Variants in ARL16 observed in about 807,000 individuals in gnomAD.
ARL16 encodes the protein ADP-ribosylation factor-like protein 16.
In ARL16, 21 loss-of-function variants were observed where a neutral mutation model predicts 14.1. That is an observed-to-expected ratio of 1.48 (90% CI 1.05 to 2.14). ARL16 has a LOEUF of 2.14. ARL16 is among the 30% of genes most tolerant of loss of function. The probability of loss-of-function intolerance (pLI) is 0.00; values close to 1 mark genes in which losing one functional copy is unlikely to be tolerated. For missense variants in ARL16, 248 were observed against 222.0 expected, an observed-to-expected ratio of 1.12 and a Z score of -0.74; for synonymous variants, 122 against 91.8, an observed-to-expected ratio of 1.33 and a Z score of -1.88.
At chr17:81,683,619 C>A (rs368288274) in intron 1 of ARL16, 25 bp from the exon 2 acceptor site, 22 of 1,594,632 alleles carry the variant, frequency 1.4e-5, no homozygotes, top group Middle Eastern at 1.7e-4. Context: ...AGGACCCGAG[C>A]AGCTAAAGGG....
intron 3 of ARL16, chr17:81,682,580 G>A: frequency 5.2e-6 from 1 of 191,808 alleles, no homozygotes; most frequent in South Asian, 9.9e-5. Context: ...ACAAGCAGAA[G>A]CAGAGGGAAT....
rs531775432 is a variant in ARL16 at position 81,682,227 on chromosome 17, G to T, written c.235-78C>A. 4 of 1,090,672 alleles carry T rather than the reference G, an allele frequency of 3.7e-6. No homozygotes were observed. The African/African-American group carries it at 6.5e-5, about 18-fold the overall frequency. The allele number at this position is 1,090,672 out of a possible 1,614,324, so 67.6% of individuals were successfully genotyped here. ...CTGGGCCTCACAGACCTGGCACTGGGAGAGCAAAACTGCATTTTTTAATTA... is the reference window on the plus strand; with the variant it reads ...CTGGGCCTCACAGACCTGGCACTGGTAGAGCAAAACTGCATTTTTTAATTA... On this transcript the variant is annotated intron_variant, in intron 3 of 4. Coordinates refer to ENST00000622299, the MANE Select transcript of ARL16 (RefSeq NM_001040025.3).
At chr17:81,682,485 G>A (rs7503637) in intron 3 of ARL16, 28,407 of 185,114 alleles carry the variant, frequency 0.15, 2,380 homozygotes, top group African/African-American at 0.18. Flanking sequence ...CTCGTGATTC[G>A]CCCACCTCAG....
rs753221320 is a variant in ARL16 at position 81,682,066 on chromosome 17, T to C, written c.318A>G (p.Ala106=). 1 of 1,612,986 alleles carries C rather than the reference T, an allele frequency of 6.2e-7. No homozygotes were observed. The highest frequency in any genetic ancestry group is 2.2e-5 in the East Asian group (1 of 44,852). Residue 106 remains alanine, a synonymous_variant, in exon 4 of 5, where the codon GCA becomes GCG. Coordinates refer to ENST00000622299, the MANE Select transcript of ARL16 (RefSeq NM_001040025.3). The part of the protein sequence containing the change: ...LLGLLSAEQL[A]EASVLILFNK... ...TGAAGAGTATCAGCACCGATGCTTCTGCAAGTTGTTCTGCAGAAAGGAGAC... is the reference window on the plus strand; with the variant it reads ...TGAAGAGTATCAGCACCGATGCTTCCGCAAGTTGTTCTGCAGAAAGGAGAC...
intron 3 of ARL16, chr17:81,682,729 C>T (rs117401813): frequency 0.015 from 6,789 of 460,222 alleles, 80 homozygotes; most frequent in Non-Finnish European, 0.019. Flanking sequence ...TAAACACAGA[C>T]GTACCGGGGA....
chr17:81,683,663 C>G (rs745413123), intron 1 of ARL16, 30 bp downstream of exon 1: 2 of 1,592,252 alleles, frequency 1.3e-6, no homozygotes, highest in Non-Finnish European at 1.7e-6. Context: ...GCCCCCCGCG[C>G]CCCGGTCCCG....
intron 3 of ARL16, chr17:81,682,667 G>A (rs1185996656): frequency 2.1e-5 from 6 of 285,466 alleles, no homozygotes; most frequent in Admixed American, 2.0e-4. Context: ...TGGTATCCGC[G>A]GCACAGGCCT....
At chr17:81,682,262 T>C (rs2036863877) in intron 3 of ARL16, 113 bp from the exon 4 acceptor site, 4 of 764,530 alleles carry the variant, frequency 5.2e-6, no homozygotes, top group Middle Eastern at 2.5e-4. Flanking sequence ...AATTAATTTA[T>C]TTTTTGAGAC....
Position 81,683,691 on chromosome 17 carries a change from A to G in ARL16, c.61+2T>C, listed in dbSNP as rs371738056. 292 of 1,603,234 alleles carry G rather than the reference A, an allele frequency of 1.8e-4. No individual in the cohort carries two copies. The highest frequency in any genetic ancestry group is 2.3e-4 in the Non-Finnish European group (275 of 1,176,404). ...CGGTCCCGTCCCCGCGCGGAAGGATATCCTGCAGCCGTTTCACCAGCAGCG... is the reference window on the plus strand; with the variant it reads ...CGGTCCCGTCCCCGCGCGGAAGGATGTCCTGCAGCCGTTTCACCAGCAGCG... On this transcript the variant is annotated splice_donor_variant, in intron 1 of 4. Transcript: ENST00000622299. LOFTEE classifies it high-confidence loss of function.
Position 81,683,132 on chromosome 17 carries a change from G to T in ARL16, c.121-6C>A, listed in dbSNP as rs923557620. The T allele has an allele frequency of 1.2e-6, 2 of 1,602,728 alleles. No homozygotes were observed. Among genetic ancestry groups the T allele is most frequent in the African/African-American group, 2.7e-5 (2 of 74,092 alleles). On this transcript the variant is annotated splice_polypyrimidine_tract_variant and splice_region_variant and intron_variant, in intron 2 of 4. Transcript: ENST00000622299. ...TCAGTAAGATTGGTGCCCACCTATA[G>T]GAAAAACCACGATGCAAAAAGAACA...
At chr17:81,683,415 G>A (rs924277313) in intron 2 of ARL16, 121 bp downstream of exon 2, 4 of 1,299,998 alleles carry the variant, frequency 3.1e-6, no homozygotes, top group African/African-American at 3.0e-5. Flanking sequence ...CGCTCCCGAA[G>A]GCTGGCCTTA....
chr17:81,683,501 C>G (rs759259089), intron 2 of ARL16, 35 bp downstream of exon 2: 3 of 1,528,958 alleles, frequency 2.0e-6, no homozygotes, highest in East Asian at 2.3e-5. Flanking sequence ...CAGAACTGAC[C>G]CCCCGCAACT....
At position 81,683,723 on chromosome 17, in the gene ARL16, C is replaced by G. The variant is rs771043178; in HGVS notation, c.31G>C (p.Gly11Arg). The G allele has an allele frequency of 7.5e-6, 12 of 1,607,214 alleles. No homozygotes were observed. The highest frequency in any genetic ancestry group is 9.3e-6 in the Non-Finnish European group (11 of 1,178,172). Reference sequence around the variant, plus strand: ...AGCCGTTTCACCAGCAGCGTCTTCCCGACGCCCGTGGCCCCCAGCAGGAGA... The same window carrying G: ...AGCCGTTTCACCAGCAGCGTCTTCCGGACGCCCGTGGCCCCCAGCAGGAGA... MCLLLGATGVGKTLLVKRLQE... is the reference protein window; with the variant it reads MCLLLGATGVRKTLLVKRLQE... The change falls in exon 1 of 5, where the codon GGG (glycine) becomes CGG (arginine). Residue 11 changes from glycine to arginine, a missense_variant. By Grantham distance (125) the Gly-to-Arg change is moderately radical. Coordinates refer to ENST00000622299, the MANE Select transcript of ARL16 (RefSeq NM_001040025.3).
Position 81,681,635 on chromosome 17 carries a change from CTA to C in ARL16, c.*71_*72del, listed in dbSNP as rs1382957619. 1.0e-5 allele frequency: 15 copies of C among 1,463,198 alleles called. No individual in the cohort carries two copies. The highest frequency in any genetic ancestry group is 5.0e-4 in the Middle Eastern group (2 of 4,010). 90.6% of individuals were successfully genotyped at this position (1,463,198 alleles called of 1,614,324 possible). A position where few individuals can be genotyped will look rare whatever the true frequency, so the allele number is the denominator to read the frequency against. On this transcript the variant is annotated 3_prime_UTR_variant, in exon 5 of 5. Transcript: ENST00000622299. ...GTTATTCTGCCCCTGTGAGAAGAAA[CTA>C]TTGGCAGCAAAGCCATACTGCCCTC...
intron 4 of ARL16, 72 bp downstream of exon 4, chr17:81,681,962 G>A (rs2036853929): frequency 1.9e-6 from 3 of 1,563,766 alleles, no homozygotes; most frequent in East Asian, 4.6e-5. Context: ...TCCCTACCGA[G>A]CCATGCTTCC....
chr17:81,683,788 G>T lies in ARL16; in HGVS notation c.-35C>A, dbSNP rs774636076. 2 of 1,605,748 alleles carry T rather than the reference G, an allele frequency of 1.2e-6. No homozygotes were observed. The highest frequency in any genetic ancestry group is 1.1e-5 in the South Asian group (1 of 91,042). ...CGCTCCACCCGGCACCCGTAGCTCG[G>T]CGCCGCGGCTCAAGGCCCGCCCACC... On this transcript the variant is annotated 5_prime_UTR_variant, in exon 1 of 5. Transcript: ENST00000622299.
At chr17:81,683,305 G>A in intron 2 of ARL16, 179 bp from the exon 3 acceptor site, 1 of 812,118 alleles carries the variant, frequency 1.2e-6, no homozygotes, top group South Asian at 1.8e-5. Flanking sequence ...CTGTGGGGGC[G>A]ACCAGCCACA....
At chr17:81,682,391 C>T (rs2036866194) in intron 3 of ARL16, 1 of 322,614 alleles carries the variant, frequency 3.1e-6, no homozygotes, top group Non-Finnish European at 5.8e-6. Context: ...TACAGACACC[C>T]GCCACCACGC....
chr17:81,683,474 G>A lies in ARL16; in HGVS notation c.120+62C>T, dbSNP rs1044221139. The stretch of plus-strand genomic sequence containing the variant: ...CTCGGCGTGCACTTAGAGGAGCCCG[G>A]AGCTCTTCGCCAAGCGCAGAACTGA... On this transcript the variant is annotated intron_variant, in intron 2 of 4. Coordinates refer to ENST00000622299, the MANE Select transcript of ARL16 (RefSeq NM_001040025.3). 6 of 1,467,016 alleles carry A rather than the reference G, an allele frequency of 4.1e-6. No individual in the cohort carries two copies. The African/African-American group carries it at 8.5e-5, about 21-fold the overall frequency. 90.9% of individuals were successfully genotyped at this position (1,467,016 alleles called of 1,614,324 possible). A position where few individuals can be genotyped will look rare whatever the true frequency, so the allele number is the denominator to read the frequency against.
Sources: allele counts gnomAD v4.1 joint callset, GRCh38; gene constraint gnomAD v4.1.1; transcripts MANE v1.5; gene names NCBI Gene and HGNC (gene_info 2026-07-23, HGNC 2026-07-21).